Variants in ZNF516 observed in about 807,000 individuals in gnomAD.
ZNF516 encodes the protein zinc finger protein 516.
A neutral mutation model predicts 79.7 loss-of-function variants in ZNF516; 19 were observed. That is an observed-to-expected ratio of 0.24 (90% CI 0.17 to 0.35). The LOEUF (loss-of-function observed/expected upper bound fraction) is 0.35. ZNF516 is among the 10% of genes least tolerant of loss of function. The pLI is 1.00. For synonymous variants in ZNF516, 877 were observed against 739.5 expected, an observed-to-expected ratio of 1.19 and a Z score of -3.02; for missense variants, 1,678 against 1,679.5, an observed-to-expected ratio of 1.00 and a Z score of 0.02.
intron 3 of ZNF516, among the ~76,000 whole-genome samples, chr18:76,428,120 C>A (rs184748040): frequency 6.6e-6 from 1 of 152,114 alleles, no homozygotes; most frequent in Non-Finnish European, 1.5e-5. Context: ...GGCGCAGTGG[C>A]TCAGGCCTGT....
chr18:76,474,334 G>A (rs1363895768), intron 1 of ZNF516, among the ~76,000 whole-genome samples: 2 of 152,090 alleles, frequency 1.3e-5, no homozygotes, highest in Non-Finnish European at 2.9e-5. Flanking sequence ...TAACCACAAG[G>A]AAGGCTCTAA....
intron 1 of ZNF516, among the ~76,000 whole-genome samples, chr18:76,471,188 C>G (rs536847044): frequency 6.6e-6 from 1 of 151,880 alleles, no homozygotes; most frequent in East Asian, 1.9e-4. Flanking sequence ...TAAAAGTATG[C>G]ATATCTGGCA....
At chr18:76,405,506 G>A (rs1427644753) in intron 3 of ZNF516, among the ~76,000 whole-genome samples, 2 of 152,158 alleles carry the variant, frequency 1.3e-5, no homozygotes, top group African/African-American at 2.4e-5. Flanking sequence ...CAGGCAGCAG[G>A]CCCCAGCCCG....
chr18:76,413,089 G>C (rs563093669), intron 3 of ZNF516, among the ~76,000 whole-genome samples: 1 of 152,218 alleles, frequency 6.6e-6, no homozygotes, highest in Admixed American at 6.5e-5. Context: ...AGGCAGAAAC[G>C]AAGTGCTATT....
chr18:76,438,902 T>A (rs2075779204), intron 3 of ZNF516, among the ~76,000 whole-genome samples: 1 of 152,218 alleles, frequency 6.6e-6, no homozygotes, highest in African/African-American at 2.4e-5. Flanking sequence ...ACCACTGTGA[T>A]CTTTCGTTCC....
Position 76,441,338 on chromosome 18 carries a change from A to G in ZNF516, c.1717T>C (p.Ser573Pro). ...DSASQPSSPG[S>P]ACAAADSPGS... ...GGGGAGTCAGCAGCGGCACAGGCGGAGCCAGGGCTGCTGGGCTGGGAGGCC... is the reference window on the plus strand; with the variant it reads ...GGGGAGTCAGCAGCGGCACAGGCGGGGCCAGGGCTGCTGGGCTGGGAGGCC... The change falls in exon 3 of 7, where the codon TCC becomes CCC. Residue 573 changes from serine (S) to proline (P), a missense_variant. By Grantham distance (74) the Ser-to-Pro change is moderately conservative. Transcript: ENST00000443185. The G allele has an allele frequency of 6.2e-7, 1 of 1,611,644 alleles. No individual in the cohort carries two copies.
At chr18:76,400,976 T>C (rs1348311626) in intron 3 of ZNF516, among the ~76,000 whole-genome samples, 1 of 152,172 alleles carries the variant, frequency 6.6e-6, no homozygotes, top group Admixed American at 6.5e-5. Context: ...ACACAATATA[T>C]ATATATATAC....
chr18:76,398,686 TTG>T (rs1205159683), intron 3 of ZNF516, among the ~76,000 whole-genome samples: 6 of 152,194 alleles, frequency 3.9e-5, no homozygotes, highest in Non-Finnish European at 7.3e-5. Flanking sequence ...ATTAAACCAC[TTG>T]TGTGTTTTCT....
chr18:76,404,337 ATG>A (rs1239827102), intron 3 of ZNF516, among the ~76,000 whole-genome samples: 32 of 78,502 alleles, frequency 4.1e-4, no homozygotes, highest in African/African-American at 7.1e-4. Flanking sequence ...GACCGTGTGT[ATG>A]TGTGAGTGCA....
At position 76,430,043 on chromosome 18, in the gene ZNF516, A is replaced by G. The variant is rs140457559; in HGVS notation, c.1810+11202T>C. Among the ~76,000 whole-genome samples the G allele has an allele frequency of 7.9e-3, 1,202 of 152,150 alleles. 15 individuals are homozygous for G. Among genetic ancestry groups the G allele is most frequent in the African/African-American group, 0.027 (1,101 of 41,490 alleles). On this transcript the variant is annotated intron_variant, in intron 3 of 6. Coordinates refer to ENST00000443185, the MANE Select transcript of ZNF516 (RefSeq NM_014643.4). ...GAAAATTCCCGAGCCAGTATCTTCC[A>G]ATTGCTTTTTTCATACCTGAACTTC...
At chr18:76,495,912 T>C (rs1915464133), upstream of ZNF516, 1 of 360,112 alleles carries the variant, frequency 2.8e-6, no homozygotes, top group Non-Finnish European at 4.6e-6. Context: ...GAGGTCCCGC[T>C]GGAAAGACTT....
chr18:76,378,196 G>A (rs1168247474), intron 4 of ZNF516: 1 of 152,212 alleles, frequency 6.6e-6, no homozygotes, highest in Non-Finnish European at 1.5e-5. Flanking sequence ...AGGAGCAGGA[G>A]GAAAGCTAGC....
chr18:76,395,929 C>T (rs2075139971), intron 3 of ZNF516, among the ~76,000 whole-genome samples: 1 of 152,206 alleles, frequency 6.6e-6, no homozygotes. Context: ...CGGAAGTGCG[C>T]AAAGCTGCAA....
chr18:76,376,945 A>G (rs1470207482), intron 4 of ZNF516, among the ~76,000 whole-genome samples: 2 of 152,228 alleles, frequency 1.3e-5, no homozygotes, highest in Non-Finnish European at 2.9e-5. Context: ...CTCACCACTC[A>G]GCCTTCTCTG....
chr18:76,442,366 C>T lies in ZNF516; in HGVS notation c.689G>A (p.Gly230Asp), dbSNP rs367787156. 5.0e-6 allele frequency: 8 copies of T among 1,609,376 alleles called. No homozygotes were observed. Among genetic ancestry groups the T allele is most frequent in the Non-Finnish European group, 6.8e-6 (8 of 1,179,284 alleles). ...ERDHITAQGP[G>D]SGEACVENGK... ...GTTCTCCACGCAGGCCTCGCCGCTG[C>T]CGGGCCCCTGCGCGGTGATGTGGTC... is the stretch of plus-strand genomic sequence containing the variant. The change falls in exon 3 of 7, where the codon GGC (glycine) becomes GAC (aspartate). Residue 230 changes from glycine (G) to aspartate (D), a missense_variant. By Grantham distance (94) the Gly-to-Asp change is moderately conservative (BLOSUM62 -1). This residue lies in a region of ZNF516 where 279 missense variants were observed against 254.1 expected (regional missense o/e 1.10). Coordinates refer to ENST00000443185, the MANE Select transcript of ZNF516 (RefSeq NM_014643.4).
intron 4 of ZNF516, among the ~76,000 whole-genome samples, chr18:76,373,412 C>T (rs1425043638): frequency 6.6e-6 from 1 of 152,170 alleles, no homozygotes; most frequent in East Asian, 1.9e-4. Context: ...ATTAGAAACA[C>T]CACCCAGTGG....
intron 1 of ZNF516, among the ~76,000 whole-genome samples, chr18:76,482,853 T>C (rs1799265660): frequency 6.6e-6 from 1 of 152,208 alleles, no homozygotes; most frequent in Non-Finnish European, 1.5e-5. Flanking sequence ...GCCTACAGGA[T>C]GAAGTCCATA....
chr18:76,462,836 G>A (rs772755633), intron 2 of ZNF516, among the ~76,000 whole-genome samples, 192 bp downstream of exon 2: 108 of 152,092 alleles, frequency 7.1e-4, no homozygotes, highest in Non-Finnish European at 1.2e-3. Context: ...CCACAGAGGC[G>A]GCTTCCCAGT....
In ZNF516 at chr18:76,451,267, T is replaced by C. The variant is rs1912394025; in HGVS notation, c.-157-8056A>G. ...CCTGGCTCCCCCGACGCCATGTGGCTTTACTTATCCCCGTCTGCGTCCTCT... is the reference window on the plus strand; with the variant it reads ...CCTGGCTCCCCCGACGCCATGTGGCCTTACTTATCCCCGTCTGCGTCCTCT... On this transcript the variant is annotated intron_variant, in intron 2 of 6. Transcript: ENST00000443185. The surrounding 1 kb of genome is among the most constrained non-coding windows in gnomAD (Gnocchi z 6.0). Among the ~76,000 whole-genome samples, 1 of 152,162 alleles carries C rather than the reference T, an allele frequency of 6.6e-6. No individual in the cohort carries two copies. The highest frequency in any genetic ancestry group is 1.5e-5 in the Non-Finnish European group (1 of 68,030).
Sources: allele counts gnomAD v4.1 joint callset (sites outside exome capture counted in the v4.1 genomes callset), GRCh38; gene constraint gnomAD v4.1.1; regional missense constraint gnomAD v4.1.1; non-coding constraint Gnocchi (gnomAD v3.1); transcripts MANE v1.5; gene names NCBI Gene and HGNC (gene_info 2026-07-23, HGNC 2026-07-21).